The following FXR1 variants were observed in gnomAD, a reference collection of about 807,000 sequenced individuals.
The protein encoded by FXR1 is RNA-binding protein FXR1.
Under a neutral mutation model 84.0 loss-of-function variants are expected in FXR1, and 15 were observed. That is an observed-to-expected ratio of 0.18 (90% CI 0.12 to 0.27). The LOEUF (loss-of-function observed/expected upper bound fraction) is 0.27, where lower values mean the gene tolerates loss of function less well. Among genes scored for constraint, FXR1 ranks in the 10% least tolerant of loss-of-function variants. FXR1 has a pLI of 1.00. For synonymous variants in FXR1, 245 were observed against 250.7 expected, an observed-to-expected ratio of 0.98 and a Z score of 0.21; for missense variants, 480 against 774.4, an observed-to-expected ratio of 0.62 and a Z score of 4.51.
chr3:180,922,131 T>A (rs905639690), intron 1 of FXR1, among the ~76,000 whole-genome samples: 4 of 151,992 alleles, frequency 2.6e-5, no homozygotes, highest in African/African-American at 9.7e-5. Context: ...TTGTTTTCAG[T>A]TTTTTGTCGC....
intron 8 of FXR1, among the ~76,000 whole-genome samples, chr3:180,952,496 G>A (rs1722325172): frequency 6.6e-6 from 1 of 151,974 alleles, no homozygotes; most frequent in Admixed American, 6.6e-5. Context: ...ATGAGAGGCT[G>A]CAGTGAGCTA....
intron 3 of FXR1, among the ~76,000 whole-genome samples, chr3:180,937,923 G>A (rs1720704453): frequency 6.6e-6 from 1 of 151,954 alleles, no homozygotes; most frequent in East Asian, 1.9e-4. Context: ...ATTTACCAGA[G>A]TTGATTCTCT....
At chr3:180,963,162 C>T in intron 13 of FXR1, 72 bp downstream of exon 13, 1 of 667,680 alleles carries the variant, frequency 1.5e-6, no homozygotes, top group South Asian at 1.8e-5. Flanking sequence ...TGCTCTAACA[C>T]ATTTTCTTAT....
intron 1 of FXR1, among the ~76,000 whole-genome samples, chr3:180,932,370 C>T (rs1248088064): frequency 6.6e-6 from 1 of 152,124 alleles, no homozygotes; most frequent in Admixed American, 6.5e-5. Context: ...GACTAACATT[C>T]AGTAATTTGC....
chr3:180,918,529 C>G (rs1037687280), intron 1 of FXR1, among the ~76,000 whole-genome samples: 1 of 152,208 alleles, frequency 6.6e-6, no homozygotes, highest in Non-Finnish European at 1.5e-5. Context: ...GATTATCACT[C>G]TGGATAAGTT....
At chr3:180,947,823 C>A in intron 3 of FXR1, 42 bp from the exon 4 acceptor site, 2 of 1,106,946 alleles carry the variant, frequency 1.8e-6, no homozygotes, top group South Asian at 1.5e-5. Context: ...GCATTGAAAT[C>A]TTTTGGGATG....
intron 7 of FXR1, among the ~76,000 whole-genome samples, chr3:180,949,797 C>A (rs1483677648): frequency 6.6e-6 from 1 of 152,160 alleles, no homozygotes; most frequent in Non-Finnish European, 1.5e-5. Flanking sequence ...TCCATTTTAC[C>A]TTTTATCAAA....
chr3:180,942,978 T>C (rs975708638), intron 3 of FXR1, among the ~76,000 whole-genome samples: 2 of 152,176 alleles, frequency 1.3e-5, no homozygotes, highest in African/African-American at 4.8e-5. Flanking sequence ...TCTTTTTTCC[T>C]TCTTCCTAAG....
intron 1 of FXR1, 66 bp from the exon 2 acceptor site, chr3:180,933,268 T>A (rs1343766112): frequency 1.2e-5 from 11 of 927,752 alleles, no homozygotes; most frequent in African/African-American, 1.6e-5. Context: ...TTTGAACTAA[T>A]ACAACCTTTT....
chr3:180,927,939 C>T (rs1334412988), intron 1 of FXR1: 2 of 302,082 alleles, frequency 6.6e-6, no homozygotes, highest in East Asian at 5.0e-5. Flanking sequence ...CCCCTTTTCT[C>T]CTTTGTATGT....
In FXR1 at chr3:180,976,575, T is replaced by A. The variant is rs945562610; in HGVS notation, c.*283T>A. ...GAAATGTTATTTTGTTTTCAAAATA[T>A]GGCAGAGATGGGGGGTGGTGGGTGG... On this transcript the variant is annotated 3_prime_UTR_variant, in exon 17 of 17. Coordinates refer to ENST00000357559, the MANE Select transcript of FXR1 (RefSeq NM_005087.4). 7.2e-6 allele frequency: 1 copy of A among 139,674 alleles called. No individual in the cohort carries two copies. Among genetic ancestry groups the A allele is most frequent in the African/African-American group, 2.7e-5 (1 of 36,860 alleles). 8.7% of individuals were successfully genotyped at this position (139,674 alleles called of 1,614,324 possible).
intron 13 of FXR1, among the ~76,000 whole-genome samples, chr3:180,966,445 C>T (rs186440712): frequency 6.6e-6 from 1 of 152,272 alleles, no homozygotes; most frequent in East Asian, 1.9e-4. Context: ...ATACTTAAAA[C>T]TTCTTATGTC....
At position 180,969,902 on chromosome 3, in the gene FXR1, C is replaced by T. The variant is rs374760959; in HGVS notation, c.1403-256C>T. Reference sequence around the variant, plus strand: ...TCTAATGTATATTTTAAAAACAAGGCACAGGAAATGTTAGGAAGCCAAGAT... The same window carrying T: ...TCTAATGTATATTTTAAAAACAAGGTACAGGAAATGTTAGGAAGCCAAGAT... On this transcript the variant is annotated intron_variant, in intron 14 of 16. Coordinates refer to ENST00000357559, the MANE Select transcript of FXR1 (RefSeq NM_005087.4). Among the ~76,000 whole-genome samples the T allele has an allele frequency of 2.7e-4, 41 of 152,232 alleles. 1 individual carries two copies. Among genetic ancestry groups the T allele is most frequent in the East Asian group, 2.3e-3 (12 of 5,182 alleles).
At position 180,942,377 on chromosome 3, in the gene FXR1, C is replaced by CAAAAAAAAAAAAA. The variant is rs765066164; in HGVS notation, c.199-5472_199-5460dup. The stretch of plus-strand genomic sequence containing the variant: ...TGGGCGACAGAGCGAGACTCCGTCT[C>CAAAAAAAAAAAAA]AAAAAAAAAAAAAAAAAAAAAAAAA... On this transcript the variant is annotated intron_variant, in intron 3 of 16. Transcript: ENST00000357559. Among the ~76,000 whole-genome samples, 22 of 31,124 alleles carry CAAAAAAAAAAAAA rather than the reference C, an allele frequency of 7.1e-4. 2 individuals carry two copies. Among genetic ancestry groups the CAAAAAAAAAAAAA allele is most frequent in the African/African-American group, 2.2e-3 (19 of 8,704 alleles). The allele number at this position is 31,124 out of a possible 152,430, so 20.4% of individuals were successfully genotyped here. A position where few individuals can be genotyped will look rare whatever the true frequency, so the allele number is the denominator to read the frequency against.
intron 1 of FXR1, chr3:180,927,676 T>A (rs1481794069): frequency 1.9e-6 from 1 of 525,760 alleles, no homozygotes; most frequent in East Asian, 3.3e-5. Flanking sequence ...TAAAAAAAAA[T>A]GAGTAGATCT....
In FXR1 at chr3:180,963,098, A is replaced by T; in HGVS notation, c.1198+8A>T. The stretch of plus-strand genomic sequence containing the variant: ...ATTACACCTCCGGTTATGGTAAAAA[A>T]AAATTTTTTTTTTTTTTTTTTGGTA... On this transcript the variant is annotated splice_region_variant and intron_variant, in intron 13 of 16. Transcript: ENST00000357559. The T allele has an allele frequency of 2.2e-6, 3 of 1,345,870 alleles. No individual in the cohort carries two copies. The highest frequency in any genetic ancestry group is 3.1e-6 in the Non-Finnish European group (3 of 963,064). 83.4% of individuals were successfully genotyped at this position (1,345,870 alleles called of 1,614,324 possible). A position where few individuals can be genotyped will look rare whatever the true frequency, so the allele number is the denominator to read the frequency against.
chr3:180,925,308 T>C (rs1429034151), intron 1 of FXR1, among the ~76,000 whole-genome samples: 1 of 150,762 alleles, frequency 6.6e-6, no homozygotes, highest in African/African-American at 2.4e-5. Context: ...TACAGTGAGC[T>C]GATATCAGGC....
At chr3:180,931,438 C>G (rs760365244) in intron 1 of FXR1, among the ~76,000 whole-genome samples, 11 of 152,050 alleles carry the variant, frequency 7.2e-5, no homozygotes, top group Admixed American at 7.2e-4. Context: ...AGGCTGGTCT[C>G]GAACTCCTGA....
At chr3:180,939,265 G>GC (rs1183428747) in intron 3 of FXR1, among the ~76,000 whole-genome samples, 1 of 151,970 alleles carries the variant, frequency 6.6e-6, no homozygotes, top group Non-Finnish European at 1.5e-5. Context: ...CCGGTGGGGG[G>GC]GTGTGGGTGG....
Sources: allele counts gnomAD v4.1 joint callset (sites outside exome capture counted in the v4.1 genomes callset), GRCh38; gene constraint gnomAD v4.1.1; transcripts MANE v1.5; gene names NCBI Gene and HGNC (gene_info 2026-07-23, HGNC 2026-07-21).